FYB1: variants seen among roughly 807,000 people sequenced by gnomAD.
FYB1 encodes FYN binding protein 1.
A neutral mutation model predicts 94.1 loss-of-function variants in FYB1; 41 were observed. That is an observed-to-expected ratio of 0.44 (90% CI 0.34 to 0.57). The LOEUF (loss-of-function observed/expected upper bound fraction) is 0.57, where lower values mean the gene tolerates loss of function less well. FYB1 is among the 20% of genes least tolerant of loss of function. FYB1 has a pLI of 0.02. For missense variants in FYB1, 1,050 were observed against 976.8 expected (o/e 1.07, Z -1.00); for synonymous variants, 367 against 353.2 (o/e 1.04, Z -0.44).
Position 39,138,659 on chromosome 5 carries a change from G to A in FYB1, c.1392C>T (p.Asp464=). 2 of 1,514,420 alleles carry A rather than the reference G, an allele frequency of 1.3e-6. No individual in the cohort carries two copies. The highest frequency in any genetic ancestry group is 4.5e-5 in the East Asian group (2 of 44,032). The allele number at this position is 1,514,420 out of a possible 1,614,324, so 93.8% of individuals were successfully genotyped here. Residue 464 remains aspartate (D), a splice_region_variant and synonymous_variant, in exon 6 of 19, where the codon GAC becomes GAT. Transcript: ENST00000512982. The part of the protein sequence containing the change: ...EQDSEGETYE[D]IEASKEREKK... Reference sequence around the variant, plus strand: ...ATGGTAAAAAATGTAATTCATACATGTCTTCATATGTTTCTCCTTCACTGT... The same window carrying A: ...ATGGTAAAAAATGTAATTCATACATATCTTCATATGTTTCTCCTTCACTGT...
intron 3 of FYB1, among the ~76,000 whole-genome samples, chr5:39,151,490 A>G (rs138155111): frequency 1.3e-5 from 2 of 152,096 alleles, no homozygotes; most frequent in Non-Finnish European, 2.9e-5. Context: ...GGGTCTCGCT[A>G]TATTGCCCAG....
rs566343740 is a variant in FYB1, at chr5:39,238,921, T to G, written c.-28+35482A>C. ...TGCTGGGTATTTCTGCACATGCCAG[T>G]GTGCCTTTTTGGCCACCTGACTTGC... On this transcript the variant is annotated intron_variant, in intron 1 of 1. Transcript: ENST00000510188. 2.0e-5 allele frequency among the ~76,000 whole-genome samples: 3 copies of G among 152,248 alleles called. No homozygotes were observed. The East Asian group carries it at 5.8e-4, about 29-fold the overall frequency.
chr5:39,119,128 T>G, intron 15 of FYB1, 92 bp from the exon 16 acceptor site: 1 of 575,942 alleles, frequency 1.7e-6, no homozygotes. Flanking sequence ...AGTTATTTGC[T>G]AAAGAGATAA....
At position 39,116,285 on chromosome 5, in the gene FYB1, G is replaced by T. The variant is rs543347485; in HGVS notation, c.2401+2589C>A. On this transcript the variant is annotated intron_variant, in intron 16 of 18. Coordinates refer to ENST00000512982, the MANE Select transcript of FYB1 (RefSeq NM_001465.6). ...CATAAAAAGCAACATGTATATAAGT[G>T]CTACCATATAACCATGTGGTTTCCA... Among the ~76,000 whole-genome samples the T allele has an allele frequency of 3.9e-5, 6 of 152,246 alleles. No homozygotes were observed. In the South Asian group the frequency reaches 1.2e-3, roughly 32 times the overall value.
At chr5:39,220,965 G>T (rs980963879), upstream of FYB1, among the ~76,000 whole-genome samples, 2 of 152,186 alleles carry the variant, frequency 1.3e-5, no homozygotes, top group African/African-American at 4.8e-5. Context: ...ACCGTATATG[G>T]CCTGAAATAT....
chr5:39,228,643 C>T (rs574348778), intron 1 of FYB1, among the ~76,000 whole-genome samples: 9 of 152,132 alleles, frequency 5.9e-5, no homozygotes, highest in African/African-American at 2.2e-4. Context: ...TTCAAATCAC[C>T]AGGGTCAACA....
At chr5:39,110,995 A>G (rs980370666) in intron 16 of FYB1, among the ~76,000 whole-genome samples, 7 of 151,998 alleles carry the variant, frequency 4.6e-5, no homozygotes, top group African/African-American at 1.7e-4. Context: ...TTCATCACTC[A>G]TGGAGCAAAA....
intron 1 of FYB1, among the ~76,000 whole-genome samples, chr5:39,249,652 G>T (rs966493986): frequency 2.0e-5 from 3 of 152,156 alleles, no homozygotes; most frequent in Non-Finnish European, 4.4e-5. Flanking sequence ...AAAGCCTATT[G>T]AACATAGTTG....
chr5:39,237,283 G>A (rs1751008148), intron 1 of FYB1, among the ~76,000 whole-genome samples: 1 of 152,078 alleles, frequency 6.6e-6, no homozygotes, highest in Non-Finnish European at 1.5e-5. Context: ...AATAATCTAA[G>A]TATGAGATGA....
Position 39,107,426 on chromosome 5 carries a change from AT to A in FYB1, c.*16del, listed in dbSNP as rs758288579. On this transcript the variant is annotated 3_prime_UTR_variant, in exon 19 of 19. Coordinates refer to ENST00000512982, the MANE Select transcript of FYB1 (RefSeq NM_001465.6). ...ATTGGCACCTAATGAACACAGCAGA[AT>A]GACCAAAGTTGAGTGCTAGTCATTG... 8.5e-6 allele frequency: 13 copies of A among 1,528,400 alleles called. No homozygotes were observed. In the South Asian group the frequency reaches 1.7e-4, roughly 20 times the overall value. The allele number at this position is 1,528,400 out of a possible 1,614,324, so 94.7% of individuals were successfully genotyped here. A position where few individuals can be genotyped will look rare whatever the true frequency, so the allele number is the denominator to read the frequency against.
intron 2 of FYB1, among the ~76,000 whole-genome samples, chr5:39,195,812 A>C (rs1561246037): frequency 6.6e-6 from 1 of 152,268 alleles, no homozygotes; most frequent in East Asian, 1.9e-4. Flanking sequence ...GTGTTGACAC[A>C]TGGGAAGAAG....
chr5:39,157,801 G>C (rs1186606476), intron 2 of FYB1, among the ~76,000 whole-genome samples: 1 of 152,194 alleles, frequency 6.6e-6, no homozygotes, highest in Non-Finnish European at 1.5e-5. Context: ...AAGAAAGACA[G>C]GATTGTGCAG....
At chr5:39,263,485 G>A (rs1023848863) in intron 1 of FYB1, among the ~76,000 whole-genome samples, 5 of 151,948 alleles carry the variant, frequency 3.3e-5, no homozygotes, top group Non-Finnish European at 4.4e-5. Context: ...GAAGTGTGTG[G>A]AGTGATATTA....
chr5:39,156,144 T>C (rs946829627), intron 2 of FYB1, among the ~76,000 whole-genome samples: 1 of 152,172 alleles, frequency 6.6e-6, no homozygotes, highest in Non-Finnish European at 1.5e-5. Context: ...TGAGAAGTTA[T>C]AGAAATGGTG....
At chr5:39,241,398 G>C (rs1751199392) in intron 1 of FYB1, among the ~76,000 whole-genome samples, 1 of 152,136 alleles carries the variant, frequency 6.6e-6, no homozygotes, top group East Asian at 1.9e-4. Flanking sequence ...GGAAAATGTA[G>C]AGGGGGACAT....
chr5:39,269,329 G>A (rs370312451), intron 1 of FYB1, among the ~76,000 whole-genome samples: 1 of 152,172 alleles, frequency 6.6e-6, no homozygotes, highest in African/African-American at 2.4e-5. Flanking sequence ...GATTACAGGC[G>A]TGAGCCACCA....
At position 39,141,107 on chromosome 5, in the gene FYB1, T is replaced by C; in HGVS notation, c.1327A>G (p.Thr443Ala). The change falls in exon 4 of 19, where the codon ACG becomes GCG. Residue 443 changes from threonine to alanine, a missense_variant. Thr to Ala is a moderately conservative substitution (Grantham distance 58, BLOSUM62 0). Transcript: ENST00000512982. ...PVNEDNQDGV[T>A]HSDGAGNLDE... ...TTTTGTCGTTTACCATCAGAGTGCG[T>C]GACACCATCTTGATTGTCTTCATTG... 1 of 1,590,744 alleles carries C rather than the reference T, an allele frequency of 6.3e-7. No individual in the cohort carries two copies.
rs531636028 is a variant in FYB1, at chr5:39,194,925, C to T, written c.1135+6901G>A. 4.9e-4 allele frequency among the ~76,000 whole-genome samples: 75 copies of T among 152,224 alleles called. 1 individual carries two copies. The highest frequency in any genetic ancestry group is 8.5e-4 in the Non-Finnish European group (58 of 68,016). ...AGGAGGGTGGGTGGAATAAATTGGG[C>T]TCGGGCTGGAGTAAAAAGAAGAGTG... On this transcript the variant is annotated intron_variant, in intron 2 of 18. Transcript: ENST00000512982.
At chr5:39,178,697 C>A (rs1425507867) in intron 2 of FYB1, among the ~76,000 whole-genome samples, 1 of 151,988 alleles carries the variant, frequency 6.6e-6, no homozygotes, top group Admixed American at 6.5e-5. Flanking sequence ...CAAAAAAATG[C>A]ATAAGTCCTC....
Sources: allele counts gnomAD v4.1 joint callset (sites outside exome capture counted in the v4.1 genomes callset), GRCh38; gene constraint gnomAD v4.1.1; transcripts MANE v1.5; gene names NCBI Gene and HGNC (gene_info 2026-07-23, HGNC 2026-07-21).